Variants in TARP observed in about 807,000 individuals in gnomAD.
the TARP span, among the ~76,000 whole-genome samples, chr7:38,269,178 T>C: frequency 6.6e-6 from 1 of 151,800 alleles, no homozygotes; most frequent in Non-Finnish European, 1.5e-5. Context: ...CTGTAGAGTC[T>C]ATCACAAACT....
At chr7:38,262,352 T>C in the TARP span, 3 of 702,980 alleles carry the variant, frequency 4.3e-6, no homozygotes, top group East Asian at 2.5e-5. Context: ...CCAGAAACAA[T>C]TGGTCTAATT....
At chr7:38,271,797 G>T in the TARP span, among the ~76,000 whole-genome samples, 11 of 151,234 alleles carry the variant, frequency 7.3e-5, no homozygotes, top group African/African-American at 2.7e-4. Flanking sequence ...TGCTTTACAT[G>T]CATGTGAAGC....
At chr7:38,263,830 T>C in the TARP span, among the ~76,000 whole-genome samples, 64 of 143,678 alleles carry the variant, frequency 4.5e-4, no homozygotes, top group Admixed American at 1.5e-3. Context: ...TTCTAAAAAC[T>C]TGGACTTGAG....
chr7:38,272,383 T>C, the TARP span, among the ~76,000 whole-genome samples: 1 of 148,610 alleles, frequency 6.7e-6, no homozygotes, highest in East Asian at 1.9e-4. Flanking sequence ...TTTGTACAGA[T>C]CAACGTGAAA....
At chr7:38,264,899 A>C in the TARP span, among the ~76,000 whole-genome samples, 3 of 151,716 alleles carry the variant, frequency 2.0e-5, no homozygotes, top group African/African-American at 7.3e-5. Context: ...TTTTAGGTTA[A>C]ACTTTGTGGG....
the TARP span, among the ~76,000 whole-genome samples, chr7:38,262,771 C>G: frequency 6.6e-6 from 1 of 151,510 alleles, no homozygotes; most frequent in Admixed American, 6.6e-5. Flanking sequence ...CCTCCCATCT[C>G]AGCCTTCTGA....
the TARP span, among the ~76,000 whole-genome samples, chr7:38,271,185 C>A: frequency 6.6e-6 from 1 of 151,176 alleles, no homozygotes; most frequent in African/African-American, 2.4e-5. Context: ...AAATAAATAA[C>A]AAAGAGTTTG....
At chr7:38,268,873 A>G in the TARP span, among the ~76,000 whole-genome samples, 7 of 151,298 alleles carry the variant, frequency 4.6e-5, no homozygotes, top group African/African-American at 1.7e-4. Context: ...AGTAGATCCC[A>G]TTGTCTCTTT....
At chr7:38,269,738 A>G in the TARP span, among the ~76,000 whole-genome samples, 1 of 152,116 alleles carries the variant, frequency 6.6e-6, no homozygotes, top group East Asian at 1.9e-4. Context: ...TTTCAAAATC[A>G]GTTCAACATC....
the TARP span, among the ~76,000 whole-genome samples, chr7:38,271,848 G>T: frequency 6.6e-6 from 1 of 150,804 alleles, no homozygotes; most frequent in African/African-American, 2.4e-5. Flanking sequence ...GGCAAAAAAG[G>T]CAATATTTCT....
the TARP span, among the ~76,000 whole-genome samples, chr7:38,261,870 C>CA: frequency 0.035 from 1,820 of 51,888 alleles, 58 homozygotes; most frequent in African/African-American, 0.099. Flanking sequence ...AGACTCTGTC[C>CA]AAAAAAAAAA....
chr7:38,264,808 A>G, the TARP span, among the ~76,000 whole-genome samples: 55 of 151,834 alleles, frequency 3.6e-4, 1 homozygote, highest in Admixed American at 3.5e-3. Flanking sequence ...CAAAGGAAAT[A>G]GAAAATTGGA....
chr7:38,265,416 A>T, the TARP span: 1 of 1,612,392 alleles, frequency 6.2e-7, no homozygotes, highest in Admixed American at 1.7e-5. Context: ...GTCTGACGAT[A>T]CATCTGTGTT....
the TARP span, among the ~76,000 whole-genome samples, chr7:38,272,237 G>A: frequency 4.6e-5 from 7 of 150,650 alleles, no homozygotes; most frequent in Non-Finnish European, 8.9e-5. Flanking sequence ...TTCGTGGGTA[G>A]TAACTTGAAT....
the TARP span, among the ~76,000 whole-genome samples, chr7:38,263,296 A>G: frequency 6.6e-5 from 10 of 152,052 alleles, no homozygotes; most frequent in African/African-American, 2.4e-4. Flanking sequence ...AATAAAGTTT[A>G]AAAAGTGCAG....
the TARP span, among the ~76,000 whole-genome samples, chr7:38,261,095 C>G: frequency 6.6e-6 from 1 of 151,700 alleles, no homozygotes; most frequent in African/African-American, 2.4e-5. Context: ...GATGAGAAAA[C>G]TGTTGCTCAC....
the TARP span, chr7:38,259,690 C>T: frequency 6.1e-6 from 1 of 163,996 alleles, no homozygotes; most frequent in Admixed American, 5.8e-5. Context: ...GAAAAACACA[C>T]CACATAATTC....
At chr7:38,265,509 G>C in the TARP span, 3 of 1,611,896 alleles carry the variant, frequency 1.9e-6, no homozygotes, top group East Asian at 6.7e-5. Context: ...TCCCCTCCTG[G>C]GATCCCAGAA....
chr7:38,271,102 T>C, the TARP span, among the ~76,000 whole-genome samples: 1 of 151,310 alleles, frequency 6.6e-6, no homozygotes, highest in South Asian at 2.1e-4. Context: ...CATCTGTATA[T>C]ATTTAATGGT....
Sources: allele counts gnomAD v4.1 joint callset (sites outside exome capture counted in the v4.1 genomes callset), GRCh38; gene constraint gnomAD v4.1.1; transcripts MANE v1.5.